MAGI2: variants seen among roughly 807,000 people sequenced by gnomAD.
MAGI2 encodes membrane-associated guanylate kinase, WW and PDZ domain-containing protein 2.
In MAGI2, 35 loss-of-function variants were observed where a neutral mutation model predicts 133.3. The ratio of observed to expected loss-of-function variants is 0.26; its 90% CI spans 0.20 to 0.35. The LOEUF (loss-of-function observed/expected upper bound fraction) is 0.35, where lower values mean the gene tolerates loss of function less well. Ranked by LOEUF, MAGI2 falls within the 10% of genes least tolerant of loss-of-function variation. MAGI2 has a pLI of 1.00. For missense variants in MAGI2, 1,636 were observed against 1,863.4 expected (o/e 0.88, Z 2.25); for synonymous variants, 729 against 710.6 (o/e 1.03, Z -0.41).
intron 9 of MAGI2, among the ~76,000 whole-genome samples, chr7:78,277,228 G>A (rs1795141038): frequency 1.3e-5 from 2 of 152,228 alleles, no homozygotes; most frequent in South Asian, 4.2e-4. Context: ...AGTAAACTAT[G>A]ATTTAGCAAG....
At chr7:78,279,265 G>A (rs531158538) in intron 9 of MAGI2, among the ~76,000 whole-genome samples, 1 of 151,750 alleles carries the variant, frequency 6.6e-6, no homozygotes, top group East Asian at 2.0e-4. Flanking sequence ...TACAGCTTAT[G>A]TCTGAACAAT....
At chr7:78,195,392 G>A (rs1382385588) in intron 11 of MAGI2, among the ~76,000 whole-genome samples, 1 of 152,144 alleles carries the variant, frequency 6.6e-6, no homozygotes, top group Non-Finnish European at 1.5e-5. Flanking sequence ...GTCTCAAGAC[G>A]ATTCATGTGT....
intron 2 of MAGI2, among the ~76,000 whole-genome samples, chr7:78,780,914 A>G (rs1826344663): frequency 6.6e-6 from 1 of 152,234 alleles, no homozygotes; most frequent in Non-Finnish European, 1.5e-5. Context: ...GGAAAATTGC[A>G]TGCATAATTT....
intron 3 of MAGI2, among the ~76,000 whole-genome samples, chr7:78,525,637 C>A (rs1246137122): frequency 6.6e-6 from 1 of 152,204 alleles, no homozygotes; most frequent in Admixed American, 6.5e-5. Context: ...CACAAACCCA[C>A]AACAATATGG....
At chr7:78,265,466 T>A (rs559706504) in intron 9 of MAGI2, among the ~76,000 whole-genome samples, 32 of 152,214 alleles carry the variant, frequency 2.1e-4, no homozygotes, top group Non-Finnish European at 3.5e-4. Flanking sequence ...AAGAATGTAG[T>A]GAATTTTAAA....
Position 79,218,369 on chromosome 7 carries a change from T to C in MAGI2, c.302-211163A>G, listed in dbSNP as rs550741165. ...TTACATAACATTGAGAATAAATCTG[T>C]AAGTTTTAGAGACAGACGCCGTCAG... On this transcript the variant is annotated intron_variant, in intron 1 of 21. Coordinates refer to ENST00000354212, the MANE Select transcript of MAGI2 (RefSeq NM_012301.4). 7.2e-5 allele frequency among the ~76,000 whole-genome samples: 11 copies of C among 152,208 alleles called. No homozygotes were observed. In the South Asian group the frequency reaches 2.1e-3, roughly 29 times the overall value.
intron 6 of MAGI2, among the ~76,000 whole-genome samples, chr7:78,432,489 A>AT (rs112482254): frequency 3.9e-5 from 6 of 152,132 alleles, no homozygotes; most frequent in African/African-American, 1.4e-4. Context: ...GCTACGTGTG[A>AT]TTTTTTCAAA....
At chr7:78,864,347 AG>A (rs1213248446) in intron 2 of MAGI2, among the ~76,000 whole-genome samples, 5 of 152,250 alleles carry the variant, frequency 3.3e-5, no homozygotes, top group Non-Finnish European at 4.4e-5. Flanking sequence ...AGCATTGATG[AG>A]AAATCATGTT....
chr7:78,248,401 A>G (rs1453456869), intron 10 of MAGI2, among the ~76,000 whole-genome samples: 5 of 152,314 alleles, frequency 3.3e-5, no homozygotes, highest in East Asian at 1.9e-4. Flanking sequence ...ACAAAACATC[A>G]GTAGTAAGTC....
intron 1 of MAGI2, among the ~76,000 whole-genome samples, chr7:79,176,026 CCTG>C (rs1454336318): frequency 6.6e-6 from 1 of 151,968 alleles, no homozygotes; most frequent in African/African-American, 2.4e-5. Context: ...CTAACACAGA[CCTG>C]CTAATATAAT....
chr7:78,824,927 G>A (rs1790486406), intron 2 of MAGI2, among the ~76,000 whole-genome samples: 1 of 152,186 alleles, frequency 6.6e-6, no homozygotes, highest in Non-Finnish European at 1.5e-5. Context: ...AGACACGGAT[G>A]AAGGTGAAAG....
At chr7:78,352,468 C>T (rs900901505) in intron 7 of MAGI2, among the ~76,000 whole-genome samples, 1 of 152,118 alleles carries the variant, frequency 6.6e-6, no homozygotes. Flanking sequence ...GATTTCTTCC[C>T]AATTCTAACA....
intron 2 of MAGI2, among the ~76,000 whole-genome samples, chr7:78,909,722 CAG>C (rs1296385733): frequency 1.3e-5 from 2 of 151,474 alleles, no homozygotes; most frequent in Non-Finnish European, 2.9e-5. Flanking sequence ...TTGTGGAAGA[CAG>C]TGTGATTTCT....
chr7:78,477,915 G>C (rs1253462366), intron 6 of MAGI2, among the ~76,000 whole-genome samples: 2 of 138,250 alleles, frequency 1.4e-5, no homozygotes, highest in South Asian at 2.4e-4. Context: ...AGTTTTAAAG[G>C]AAATTTTATT....
chr7:78,189,769 A>G (rs1445497022), intron 12 of MAGI2, among the ~76,000 whole-genome samples: 5 of 152,200 alleles, frequency 3.3e-5, no homozygotes, highest in African/African-American at 1.2e-4. Context: ...GCAGTGTGGA[A>G]CAGGCCCAAG....
chr7:78,952,615 A>G (rs558723727), intron 2 of MAGI2, among the ~76,000 whole-genome samples: 51 of 150,784 alleles, frequency 3.4e-4, no homozygotes, highest in African/African-American at 1.2e-3. Flanking sequence ...GGTGATATTC[A>G]TTTGTTGCTA....
At chr7:78,034,329 G>A (rs1313303235) in intron 21 of MAGI2, among the ~76,000 whole-genome samples, 2 of 152,000 alleles carry the variant, frequency 1.3e-5, no homozygotes, top group African/African-American at 2.4e-5. Context: ...TCTCATTTAG[G>A]GGTTCAGGGA....
At chr7:79,073,527 C>A (rs77624718) in intron 1 of MAGI2, among the ~76,000 whole-genome samples, 1 of 152,072 alleles carries the variant, frequency 6.6e-6, no homozygotes, top group African/African-American at 2.4e-5. Context: ...TCTCTTGAAC[C>A]TGTCCACTTC....
At chr7:78,578,928 T>A (rs1295770427) in intron 3 of MAGI2, among the ~76,000 whole-genome samples, 2 of 152,140 alleles carry the variant, frequency 1.3e-5, no homozygotes, top group African/African-American at 2.4e-5. Flanking sequence ...AATATTTGGT[T>A]TTCTGGAAGC....
Sources: allele counts gnomAD v4.1 joint callset (sites outside exome capture counted in the v4.1 genomes callset), GRCh38; gene constraint gnomAD v4.1.1; transcripts MANE v1.5; gene names NCBI Gene and HGNC (gene_info 2026-07-23, HGNC 2026-07-21).